The following SLCO3A1 variants were observed in gnomAD, a reference collection of about 807,000 sequenced individuals.
SLCO3A1 encodes solute carrier organic anion transporter family member 3A1, also known as PGE1 transporter.
SLCO3A1 carries 27 observed loss-of-function variants against 63.1 expected under a neutral mutation model. The ratio of observed to expected loss-of-function variants is 0.43; its 90% confidence interval spans 0.32 to 0.59. The LOEUF is 0.59. Ranked by LOEUF, SLCO3A1 falls within the 20% of genes least tolerant of loss-of-function variation. The pLI is 0.09. For synonymous variants in SLCO3A1, 473 were observed against 409.9 expected (o/e 1.15, Z -1.86); for missense variants, 773 against 945.8 (o/e 0.82, Z 2.40).
intron 2 of SLCO3A1, among the ~76,000 whole-genome samples, chr15:92,077,448 C>T (rs569555721): frequency 6.6e-6 from 1 of 152,332 alleles, no homozygotes; most frequent in African/African-American, 2.4e-5. Context: ...GGGAGCCACC[C>T]TCAGAGGAGC....
At chr15:92,165,917 T>C, downstream of SLCO3A1, 1 of 984,790 alleles carries the variant, frequency 1.0e-6, no homozygotes, top group Non-Finnish European at 1.2e-6. Flanking sequence ...TAGAGTTCTC[T>C]CTCTTCTGCT....
chr15:92,003,909 G>T (rs72755698), intron 2 of SLCO3A1, among the ~76,000 whole-genome samples: 1 of 152,142 alleles, frequency 6.6e-6, no homozygotes, highest in Admixed American at 6.5e-5. Flanking sequence ...GCGCAGCTGG[G>T]GACCTGCTGC....
chr15:92,159,474 ACT>A (rs1274472325), intron 9 of SLCO3A1, among the ~76,000 whole-genome samples: 4 of 149,566 alleles, frequency 2.7e-5, no homozygotes, highest in Non-Finnish European at 5.9e-5. Context: ...ACAGAACGAA[ACT>A]CTGTCTCAAA....
chr15:91,919,085 G>A (rs1379180801), intron 2 of SLCO3A1, among the ~76,000 whole-genome samples: 1 of 152,258 alleles, frequency 6.6e-6, no homozygotes, highest in Non-Finnish European at 1.5e-5. Flanking sequence ...AGCTCAGGCT[G>A]CAGATCAGTG....
At chr15:92,065,540 C>T (rs1369120344) in intron 2 of SLCO3A1, among the ~76,000 whole-genome samples, 2 of 152,008 alleles carry the variant, frequency 1.3e-5, no homozygotes, top group Non-Finnish European at 2.9e-5. Flanking sequence ...GGAGTCTCAA[C>T]TCCAGTTTTT....
At chr15:91,869,492 C>T (rs540003215) in intron 1 of SLCO3A1, among the ~76,000 whole-genome samples, 19 of 150,336 alleles carry the variant, frequency 1.3e-4, no homozygotes, top group African/African-American at 4.2e-4. Flanking sequence ...GCCAAGATGG[C>T]GCCACTGCAC....
At chr15:91,920,821 C>T (rs149489570) in intron 2 of SLCO3A1, among the ~76,000 whole-genome samples, 86 of 152,308 alleles carry the variant, frequency 5.6e-4, no homozygotes, top group Middle Eastern at 3.4e-3. Context: ...ATTTTGATGG[C>T]TCCCCAAATA....
chr15:92,127,340 A>G (rs1021888331), intron 6 of SLCO3A1, among the ~76,000 whole-genome samples: 10 of 146,056 alleles, frequency 6.8e-5, no homozygotes, highest in African/African-American at 2.3e-4. Context: ...TTATTCTTCC[A>G]TGAAAAAGAA....
At chr15:91,891,249 G>C (rs11853981) in intron 1 of SLCO3A1, among the ~76,000 whole-genome samples, 3,153 of 152,120 alleles carry the variant, frequency 0.021, 111 homozygotes, top group African/African-American at 0.072. Context: ...CAGGAATATT[G>C]CCAGCAGAAA....
At position 91,900,156 on chromosome 15, in the gene SLCO3A1, C is replaced by A. The variant is rs934649839; in HGVS notation, c.181-15837C>A. Among the ~76,000 whole-genome samples the A allele has an allele frequency of 6.6e-6, 1 of 152,144 alleles. No homozygotes were observed. The highest frequency in any genetic ancestry group is 1.5e-5 in the Non-Finnish European group (1 of 68,038). ...TGTTTTTAATTCTCTTAGGTAGATA[C>A]CTGGGAGTAGAATTACTGGGTCATG... On this transcript the variant is annotated intron_variant, in intron 1 of 9. Transcript: ENST00000318445. This position sits in a 1 kb window ranked among gnomAD's most constrained non-coding sequence, Gnocchi z 4.3.
intron 3 of SLCO3A1, among the ~76,000 whole-genome samples, chr15:92,101,590 T>C (rs565802171): frequency 2.6e-5 from 4 of 152,170 alleles, no homozygotes; most frequent in Non-Finnish European, 5.9e-5. Flanking sequence ...AGTAGCCGTC[T>C]TCCCCAGATC....
intron 2 of SLCO3A1, among the ~76,000 whole-genome samples, chr15:92,036,416 A>C (rs2046727646): frequency 6.7e-6 from 1 of 149,632 alleles, no homozygotes; most frequent in African/African-American, 2.5e-5. Context: ...CTCACTGAAA[A>C]TTCCACTTCG....
chr15:91,916,482 A>G lies in SLCO3A1; in HGVS notation c.646+24A>G, dbSNP rs1454412804. 10 of 1,533,338 alleles carry G rather than the reference A, an allele frequency of 6.5e-6. No individual in the cohort carries two copies. Among genetic ancestry groups the G allele is most frequent in the Non-Finnish European group, 8.9e-6 (10 of 1,128,424 alleles). The allele number at this position is 1,533,338 out of a possible 1,614,324, so 95.0% of individuals were successfully genotyped here. ...AGGTAGGAGCTGCCCCAGCCGTATT[A>G]GCAAGAGACCAGGGTGTGTTGACCA... On this transcript the variant is annotated intron_variant, in intron 2 of 9. Coordinates refer to ENST00000318445, the MANE Select transcript of SLCO3A1 (RefSeq NM_013272.4). This position sits in a 1 kb window ranked among gnomAD's most constrained non-coding sequence, Gnocchi z 6.2.
chr15:92,125,557 G>T (rs78361481), intron 5 of SLCO3A1, among the ~76,000 whole-genome samples: 1 of 152,064 alleles, frequency 6.6e-6, no homozygotes, highest in African/African-American at 2.4e-5. Context: ...GGTGAATTCC[G>T]TGACCTTTAG....
chr15:92,045,965 G>A (rs750658567), intron 2 of SLCO3A1, among the ~76,000 whole-genome samples: 1 of 152,126 alleles, frequency 6.6e-6, no homozygotes, highest in Non-Finnish European at 1.5e-5. Context: ...ACAGTACACC[G>A]GTGCGCATCT....
chr15:91,880,378 T>A (rs1381676149), intron 1 of SLCO3A1, among the ~76,000 whole-genome samples: 1 of 149,732 alleles, frequency 6.7e-6, no homozygotes, highest in African/African-American at 2.5e-5. Context: ...CCGGCACTCG[T>A]GCTTCTCTCT....
intron 1 of SLCO3A1, among the ~76,000 whole-genome samples, chr15:91,914,565 TCC>T (rs1161996839): frequency 2.2e-5 from 3 of 138,018 alleles, no homozygotes; most frequent in African/African-American, 7.9e-5. Flanking sequence ...ACTATTTTCT[TCC>T]TTTTTTTTTT....
intron 3 of SLCO3A1, among the ~76,000 whole-genome samples, chr15:92,095,831 A>T (rs764780994): frequency 6.6e-5 from 10 of 152,004 alleles, no homozygotes; most frequent in Non-Finnish European, 1.3e-4. Flanking sequence ...TTCCATCCTG[A>T]CCCCAGCTTG....
At chr15:92,072,165 C>T (rs1305281399) in intron 2 of SLCO3A1, among the ~76,000 whole-genome samples, 2 of 151,118 alleles carry the variant, frequency 1.3e-5, no homozygotes, top group Non-Finnish European at 2.9e-5. Flanking sequence ...ATTAAAAATG[C>T]GAAGCCTGAT....
Sources: gnomAD v4.1 joint callset for allele counts (sites outside exome capture counted in the v4.1 genomes callset) on GRCh38, gnomAD v4.1.1 for gene constraint, Gnocchi (gnomAD v3.1) non-coding constraint, MANE v1.5 for transcripts, NCBI Gene and HGNC (gene_info 2026-07-23, HGNC 2026-07-21) for gene names.